Variants in CTNNA3 observed in about 807,000 individuals in gnomAD.
The protein encoded by CTNNA3 is catenin alpha-3.
In CTNNA3, 76 loss-of-function variants were observed where a neutral mutation model predicts 95.7. The ratio of observed to expected loss-of-function variants is 0.79; its 90% CI spans 0.66 to 0.96. The LOEUF (loss-of-function observed/expected upper bound fraction) is 0.96. CTNNA3 is among the 40% of genes least tolerant of loss of function. The pLI is 0.00. For synonymous variants in CTNNA3, 431 were observed against 374.4 expected (o/e 1.15, Z -1.74); for missense variants, 1,191 against 1,089.8 (o/e 1.09, Z -1.31).
chr10:66,579,856 G>A (rs924596819), intron 10 of CTNNA3, among the ~76,000 whole-genome samples: 1 of 151,626 alleles, frequency 6.6e-6, no homozygotes, highest in Admixed American at 6.6e-5. Flanking sequence ...TCATCTGAAC[G>A]TTCTTTTTTC....
intron 7 of CTNNA3, among the ~76,000 whole-genome samples, chr10:66,918,487 A>T (rs1846609980): frequency 6.6e-6 from 1 of 152,184 alleles, no homozygotes; most frequent in South Asian, 2.1e-4. Flanking sequence ...ATTCTGCTCA[A>T]ATTAATGAAT....
intron 9 of CTNNA3, among the ~76,000 whole-genome samples, chr10:66,750,270 G>T (rs890521097): frequency 7.9e-5 from 12 of 152,036 alleles, no homozygotes; most frequent in Non-Finnish European, 1.6e-4. Flanking sequence ...CTTTGATGTT[G>T]TATCTAAAAA....
intron 13 of CTNNA3, among the ~76,000 whole-genome samples, chr10:66,137,679 G>A (rs1287830986): frequency 6.6e-6 from 1 of 152,126 alleles, no homozygotes; most frequent in East Asian, 1.9e-4. Flanking sequence ...TGGGTTTGGT[G>A]CCTCATGCCT....
At chr10:66,163,003 G>A (rs578103077) in intron 13 of CTNNA3, among the ~76,000 whole-genome samples, 1 of 152,122 alleles carries the variant, frequency 6.6e-6, no homozygotes, top group African/African-American at 2.4e-5. Flanking sequence ...AAAGCTGGCA[G>A]TCACAGACCT....
At chr10:66,495,684 C>T (rs1435683882) in intron 11 of CTNNA3, among the ~76,000 whole-genome samples, 1 of 152,062 alleles carries the variant, frequency 6.6e-6, no homozygotes, top group African/African-American at 2.4e-5. Flanking sequence ...CAGAGTTTCA[C>T]TCACTCTTTC....
intron 12 of CTNNA3, among the ~76,000 whole-genome samples, chr10:66,295,391 C>A (rs966066991): frequency 1.3e-5 from 2 of 152,108 alleles, no homozygotes. Flanking sequence ...GCAAAGAAAG[C>A]TTAGTAGCAG....
chr10:66,494,015 C>T (rs1360249639), intron 11 of CTNNA3, among the ~76,000 whole-genome samples: 1 of 147,336 alleles, frequency 6.8e-6, no homozygotes, highest in Admixed American at 6.8e-5. Flanking sequence ...TCAAACGATT[C>T]TCCTGCCTCA....
At chr10:67,029,176 T>G (rs1853572634) in intron 7 of CTNNA3, among the ~76,000 whole-genome samples, 1 of 152,176 alleles carries the variant, frequency 6.6e-6, no homozygotes, top group African/African-American at 2.4e-5. Flanking sequence ...ATCCAGGCCA[T>G]TACTCCATAA....
chr10:66,403,617 C>T (rs185100200), intron 11 of CTNNA3, among the ~76,000 whole-genome samples: 2 of 152,232 alleles, frequency 1.3e-5, no homozygotes, highest in Admixed American at 6.5e-5. Context: ...CAATTCAAGA[C>T]GTAATTTGGG....
At chr10:67,336,324 A>G (rs931443159) in intron 5 of CTNNA3, among the ~76,000 whole-genome samples, 3 of 152,224 alleles carry the variant, frequency 2.0e-5, no homozygotes, top group Non-Finnish European at 4.4e-5. Flanking sequence ...TCCTTAAGCC[A>G]AAACCTAACC....
intron 16 of CTNNA3, among the ~76,000 whole-genome samples, chr10:65,971,431 T>C (rs1267928835): frequency 6.8e-6 from 1 of 146,368 alleles, no homozygotes; most frequent in Non-Finnish European, 1.5e-5. Context: ...CTAGCTAGAT[T>C]AACAAAGAAA....
chr10:67,053,374 T>A (rs1007998327), intron 7 of CTNNA3, among the ~76,000 whole-genome samples: 2 of 152,210 alleles, frequency 1.3e-5, no homozygotes, highest in Non-Finnish European at 2.9e-5. Context: ...GGAATTTTTT[T>A]AAGAGTATCT....
chr10:67,035,074 C>T (rs1360126548), intron 7 of CTNNA3, among the ~76,000 whole-genome samples: 2 of 152,128 alleles, frequency 1.3e-5, no homozygotes, highest in Non-Finnish European at 2.9e-5. Context: ...CTGATAGCTC[C>T]GCATAGCCCA....
intron 4 of CTNNA3, among the ~76,000 whole-genome samples, chr10:67,530,542 C>A (rs576415330): frequency 6.6e-6 from 1 of 152,122 alleles, no homozygotes. Flanking sequence ...TAAGGAACTT[C>A]TAAGCAGCAA....
At chr10:67,669,893 C>A (rs190623398) in intron 1 of CTNNA3, among the ~76,000 whole-genome samples, 6 of 152,244 alleles carry the variant, frequency 3.9e-5, no homozygotes, top group Admixed American at 2.6e-4. Context: ...ACTCCATCCA[C>A]GTTAATAATT....
chr10:67,545,512 A>G (rs2133215197), intron 3 of CTNNA3, among the ~76,000 whole-genome samples: 1 of 152,228 alleles, frequency 6.6e-6, no homozygotes. Context: ...ATATCTATTA[A>G]TTCTTTAAAA....
At position 66,840,372 on chromosome 10, in the gene CTNNA3, T is replaced by TCA. The variant is rs138947952; in HGVS notation, c.1048-64850_1048-64849dup. 2.8e-3 allele frequency among the ~76,000 whole-genome samples: 202 copies of TCA among 71,350 alleles called. 3 individuals are homozygous for TCA. In the East Asian group the frequency reaches 0.034, roughly 12 times the overall value. 46.8% of individuals were successfully genotyped at this position (71,350 alleles called of 152,430 possible). A position where few individuals can be genotyped will look rare whatever the true frequency, so the allele number is the denominator to read the frequency against. On this transcript the variant is annotated intron_variant, in intron 7 of 17. Transcript: ENST00000433211. Reference sequence around the variant, plus strand: ...CTCTCTCTCTCTCTCTCTCTCTCTCTCACACACACACACACACACACACAC... The same window carrying TCA: ...CTCTCTCTCTCTCTCTCTCTCTCTCTCACACACACACACACACACACACACAC...
At chr10:66,295,441 C>A (rs193232034) in intron 12 of CTNNA3, among the ~76,000 whole-genome samples, 5 of 152,142 alleles carry the variant, frequency 3.3e-5, no homozygotes, top group Non-Finnish European at 4.4e-5. Flanking sequence ...AGTGTATTTC[C>A]CTGATAAGAA....
intron 15 of CTNNA3, among the ~76,000 whole-genome samples, chr10:66,005,745 A>G (rs1482179139): frequency 6.6e-6 from 1 of 152,188 alleles, no homozygotes; most frequent in East Asian, 1.9e-4. Context: ...CTTCTAGGGT[A>G]GATGAGAACA....
Sources: allele counts gnomAD v4.1 joint callset (sites outside exome capture counted in the v4.1 genomes callset), GRCh38; gene constraint gnomAD v4.1.1; transcripts MANE v1.5; gene names NCBI Gene and HGNC (gene_info 2026-07-23, HGNC 2026-07-21).